The following SHISA9 variants were observed in gnomAD, a reference collection of about 807,000 sequenced individuals.
The protein encoded by SHISA9 is protein shisa-9.
SHISA9 carries 13 observed loss-of-function variants against 38.0 expected under a neutral mutation model. That is an observed-to-expected ratio of 0.34 (90% CI 0.22 to 0.54). SHISA9 has a LOEUF of 0.54. Ranked by LOEUF, SHISA9 falls within the 20% of genes least tolerant of loss-of-function variation. The pLI, the probability that SHISA9 is intolerant of heterozygous loss-of-function variation, is 0.91. For synonymous variants in SHISA9, 275 were observed against 242.0 expected (o/e 1.14, Z -1.27); for missense variants, 538 against 575.8 (o/e 0.93, Z 0.67).
the SHISA9 span, among the ~76,000 whole-genome samples, chr16:13,384,465 G>T: frequency 6.6e-6 from 1 of 152,206 alleles, no homozygotes; most frequent in East Asian, 1.9e-4. Context: ...GAAGTATTCA[G>T]CATATGGCAT....
rs565554929 is a variant in SHISA9 at position 13,102,731 on chromosome 16, C to T, written c.692-100663C>T. Among the ~76,000 whole-genome samples, 5 of 152,302 alleles carry T rather than the reference C, an allele frequency of 3.3e-5. No individual in the cohort carries two copies. The East Asian group carries it at 5.8e-4, about 18-fold the overall frequency. ...ATAATGCTTCACTGCTTCCCCTAGA[C>T]GGTTGGGGAGAATTCACTCTCCATG... On this transcript the variant is annotated intron_variant, in intron 2 of 4. Transcript: ENST00000558583.
rs191465930 is a variant in SHISA9 at position 13,057,366 on chromosome 16, G to A, written c.691+140551G>A. Among the ~76,000 whole-genome samples the A allele has an allele frequency of 4.1e-4, 62 of 152,234 alleles. 1 individual carries two copies. Among genetic ancestry groups the A allele is most frequent in the Non-Finnish European group, 2.9e-5 (2 of 68,024 alleles). On this transcript the variant is annotated intron_variant, in intron 2 of 4. Coordinates refer to ENST00000558583, the MANE Select transcript of SHISA9 (RefSeq NM_001145204.3). ...GAATGTTTTCAAAGTAGGGAGTGTCGGATTCACCGTATCCTAATTGCCTGG... is the reference window on the plus strand; with the variant it reads ...GAATGTTTTCAAAGTAGGGAGTGTCAGATTCACCGTATCCTAATTGCCTGG...
intron 2 of SHISA9, among the ~76,000 whole-genome samples, chr16:12,970,493 ATATATTTTTTTTTTTTTTT>A (rs1376466031): frequency 4.3e-4 from 13 of 30,372 alleles, no homozygotes; most frequent in Admixed American, 1.5e-3. Flanking sequence ...ATATATATAT[ATATATTTTTTTTTTTTTTT>A]TTTTTTTTTT....
At chr16:13,376,573 C>T in the SHISA9 span, among the ~76,000 whole-genome samples, 1 of 152,218 alleles carries the variant, frequency 6.6e-6, no homozygotes, top group African/African-American at 2.4e-5. Flanking sequence ...TGAATCAGGA[C>T]CATGGCTATG....
Position 13,009,015 on chromosome 16 carries a change from G to C in SHISA9, c.691+92200G>C, listed in dbSNP as rs115407104. 2.1e-3 allele frequency among the ~76,000 whole-genome samples: 316 copies of C among 152,072 alleles called. 1 individual carries two copies. Among genetic ancestry groups the C allele is most frequent in the African/African-American group, 7.1e-3 (293 of 41,484 alleles). On this transcript the variant is annotated intron_variant, in intron 2 of 4. Transcript: ENST00000558583. ...TCAATCAGGGGAGAAGGACTCCATAGGGGATGGAGAGTGACAAAAGTTAGC... is the reference window on the plus strand; with the variant it reads ...TCAATCAGGGGAGAAGGACTCCATACGGGATGGAGAGTGACAAAAGTTAGC...
At chr16:13,230,816 T>C (rs938425463) in intron 4 of SHISA9, among the ~76,000 whole-genome samples, 6 of 151,976 alleles carry the variant, frequency 3.9e-5, no homozygotes, top group African/African-American at 1.5e-4. Flanking sequence ...AAAGAAGGGG[T>C]GGATTATTTA....
chr16:13,205,887 G>C (rs1464158229), intron 3 of SHISA9, among the ~76,000 whole-genome samples: 1 of 151,566 alleles, frequency 6.6e-6, no homozygotes, highest in Non-Finnish European at 1.5e-5. Flanking sequence ...TCAGCCTCCC[G>C]AGTAGCTGAG....
intron 1 of SHISA9, among the ~76,000 whole-genome samples, chr16:12,914,637 C>G (rs2071230580): frequency 6.6e-6 from 1 of 152,264 alleles, no homozygotes; most frequent in East Asian, 1.9e-4. Context: ...CACTAGTCCA[C>G]GTAAAGTCCC....
the SHISA9 span, among the ~76,000 whole-genome samples, chr16:13,358,503 T>C: frequency 2.0e-5 from 3 of 152,188 alleles, no homozygotes; most frequent in Non-Finnish European, 4.4e-5. Context: ...TTACATAAAA[T>C]ATTCCGTGAG....
At chr16:13,088,751 T>G (rs1423723132) in intron 2 of SHISA9, among the ~76,000 whole-genome samples, 1 of 152,264 alleles carries the variant, frequency 6.6e-6, no homozygotes, top group African/African-American at 2.4e-5. Flanking sequence ...TCATGTCATC[T>G]GCAAACAGGG....
Position 13,196,419 on chromosome 16 carries a change from A to G in SHISA9, c.692-6975A>G, listed in dbSNP as rs567537293. ...CTCAAAAAAAAAAAAAAGAAAGAAA[A>G]AAAAAAGTCCATTCTACAAGATATC... is the stretch of plus-strand genomic sequence containing the variant. On this transcript the variant is annotated intron_variant, in intron 2 of 4. Coordinates refer to ENST00000558583, the MANE Select transcript of SHISA9 (RefSeq NM_001145204.3). Among the ~76,000 whole-genome samples the G allele has an allele frequency of 1.7e-3, 260 of 150,266 alleles. 3 individuals are homozygous for G. Among genetic ancestry groups the G allele is most frequent in the African/African-American group, 6.0e-3 (239 of 39,952 alleles).
At chr16:13,558,676 C>T in the SHISA9 span, among the ~76,000 whole-genome samples, 1 of 152,312 alleles carries the variant, frequency 6.6e-6, no homozygotes, top group East Asian at 1.9e-4. Flanking sequence ...CTTTGGAACA[C>T]AAGGTAGCAC....
chr16:13,480,858 G>A, the SHISA9 span, among the ~76,000 whole-genome samples: 2 of 152,300 alleles, frequency 1.3e-5, no homozygotes, highest in African/African-American at 4.8e-5. Flanking sequence ...CTCAGAAGGC[G>A]GTGGAGGGGT....
At chr16:13,425,906 C>T in the SHISA9 span, among the ~76,000 whole-genome samples, 8 of 152,146 alleles carry the variant, frequency 5.3e-5, no homozygotes, top group African/African-American at 1.7e-4. Context: ...TGTGGCTTTG[C>T]CTGATCCTGC....
intron 2 of SHISA9, among the ~76,000 whole-genome samples, chr16:13,137,027 T>G (rs1438643437): frequency 2.6e-5 from 4 of 152,190 alleles, no homozygotes; most frequent in Non-Finnish European, 5.9e-5. Context: ...AATTAGGAAG[T>G]GATGACACAC....
downstream of SHISA9, among the ~76,000 whole-genome samples, chr16:13,242,540 G>T (rs990876323): frequency 6.6e-6 from 1 of 152,180 alleles, no homozygotes; most frequent in Non-Finnish European, 1.5e-5. Context: ...TCATCATCCG[G>T]CTTCATGTCT....
At chr16:12,987,952 G>A (rs1407062381) in intron 2 of SHISA9, among the ~76,000 whole-genome samples, 1 of 152,140 alleles carries the variant, frequency 6.6e-6, no homozygotes, top group African/African-American at 2.4e-5. Flanking sequence ...TTCACCCCAG[G>A]GGGCTGGTCT....
chr16:13,543,359 C>A, the SHISA9 span, among the ~76,000 whole-genome samples: 1 of 152,126 alleles, frequency 6.6e-6, no homozygotes, highest in Non-Finnish European at 1.5e-5. Context: ...GAGTAACTGA[C>A]ACATAGAAGA....
the SHISA9 span, among the ~76,000 whole-genome samples, chr16:13,507,920 A>G: frequency 6.6e-6 from 1 of 152,126 alleles, no homozygotes; most frequent in Non-Finnish European, 1.5e-5. Context: ...TTTTAATGAT[A>G]TTTCTTCTTT....
Sources: gnomAD v4.1 joint callset for allele counts (sites outside exome capture counted in the v4.1 genomes callset) on GRCh38, gnomAD v4.1.1 for gene constraint, MANE v1.5 for transcripts, NCBI Gene and HGNC (gene_info 2026-07-23, HGNC 2026-07-21) for gene names.